Variants in UBN2 observed in about 807,000 individuals in gnomAD.
The protein encoded by UBN2 is ubinuclein-2.
In UBN2, 35 loss-of-function variants were observed where a neutral mutation model predicts 120.2. That is an observed-to-expected ratio of 0.29 (90% CI 0.22 to 0.39). The LOEUF is 0.39. UBN2 is among the 10% of genes least tolerant of loss of function. The pLI is 1.00. For synonymous variants in UBN2, 661 were observed against 648.7 expected, an observed-to-expected ratio of 1.02 and a Z score of -0.29; for missense variants, 1,693 against 1,663.2, an observed-to-expected ratio of 1.02 and a Z score of -0.31.
At position 139,276,241 on chromosome 7, in the gene UBN2, A is replaced by G. The variant is rs1308283266; in HGVS notation, c.2024+94A>G. 6.0e-6 allele frequency: 7 copies of G among 1,165,082 alleles called. No individual in the cohort carries two copies. In the African/African-American group the frequency reaches 1.1e-4, roughly 18 times the overall value. The allele number at this position is 1,165,082 out of a possible 1,614,324, so 72.2% of individuals were successfully genotyped here. ...TTTATTAAATGCTAGTTGGAATAGG[A>G]CTTAAAAAGATCATTTTGACCATTG... On this transcript the variant is annotated intron_variant, in intron 12 of 17. Transcript: ENST00000473989.
In UBN2 at chr7:139,261,662, A is replaced by C; in HGVS notation, c.1316A>C (p.Gln439Pro). The change falls in exon 6 of 18, where the codon CAG becomes CCG. Residue 439 changes from glutamine to proline, a missense_variant. By Grantham distance (76) the Gln-to-Pro change is moderately conservative. Transcript: ENST00000473989. ...GTTTQPTYTS[Q>P]VMPKVVPTLP... ...ACCACCCAGCCAACCTACACTTCTC[A>C]GGTTATGCCCAAAGTGGTACCTACA... 5.0e-6 allele frequency: 8 copies of C among 1,614,186 alleles called. No homozygotes were observed. In the South Asian group the frequency reaches 8.8e-5, roughly 18 times the overall value.
chr7:139,240,002 C>G (rs940035696), intron 2 of UBN2, among the ~76,000 whole-genome samples: 4 of 152,180 alleles, frequency 2.6e-5, no homozygotes, highest in Non-Finnish European at 5.9e-5. Flanking sequence ...TCTTCTTAGT[C>G]AACCCTAGGA....
the UBN2 span, among the ~76,000 whole-genome samples, chr7:139,321,517 G>A: frequency 0.038 from 5,731 of 152,290 alleles, 166 homozygotes; most frequent in African/African-American, 0.066. Context: ...TAGGCCTGCC[G>A]TGGTTCTCTA....
At chr7:139,325,330 C>T in the UBN2 span, among the ~76,000 whole-genome samples, 4 of 130,316 alleles carry the variant, frequency 3.1e-5, no homozygotes, top group Admixed American at 9.6e-5. Flanking sequence ...TGCAATGGTG[C>T]GATCTTGGCT....
Position 139,272,402 on chromosome 7 carries a change from G to A in UBN2, c.1677G>A (p.Gln559=). Residue 559 remains glutamine (Q), a synonymous_variant, in exon 9 of 18, where the codon CAG becomes CAA. Transcript: ENST00000473989. ...NVMPEQLFKY[Q]EDCQARSQAK... ...TGCCTGAACAGCTATTTAAATACCAGGAGGACTGCCAGGCTCGTAGTCAAG... is the reference window on the plus strand; with the variant it reads ...TGCCTGAACAGCTATTTAAATACCAAGAGGACTGCCAGGCTCGTAGTCAAG... The A allele has an allele frequency of 6.2e-7, 1 of 1,613,840 alleles. No homozygotes were observed. Among genetic ancestry groups the A allele is most frequent in the African/African-American group, 1.3e-5 (1 of 74,998 alleles).
At chr7:139,308,600 G>A (rs1278382311), downstream of UBN2, among the ~76,000 whole-genome samples, 1 of 152,124 alleles carries the variant, frequency 6.6e-6, no homozygotes, top group Non-Finnish European at 1.5e-5. Context: ...GGAAGGTGGA[G>A]CATTTGCTGT....
chr7:139,276,343 C>A, intron 12 of UBN2, 196 bp downstream of exon 12: 1 of 567,550 alleles, frequency 1.8e-6, no homozygotes, highest in Non-Finnish European at 3.1e-6. Flanking sequence ...TAAATCCACA[C>A]TGTGACACAT....
At chr7:139,315,396 G>C in the UBN2 span, 1 of 152,310 alleles carries the variant, frequency 6.6e-6, no homozygotes, top group East Asian at 1.9e-4. Flanking sequence ...AGCAAGCACT[G>C]ATATAATGTT....
intron 2 of UBN2, among the ~76,000 whole-genome samples, chr7:139,242,033 A>G (rs10453025): frequency 0.24 from 36,980 of 152,024 alleles, 7,709 homozygotes; most frequent in African/African-American, 0.56. Flanking sequence ...TCTTTTGTAT[A>G]ACTTGTAAAA....
rs550047689 is a variant in UBN2, at chr7:139,267,291, T to C, written c.1466+888T>C. Among the ~76,000 whole-genome samples the C allele has an allele frequency of 1.8e-4, 28 of 152,238 alleles. 1 individual carries two copies. The highest frequency in any genetic ancestry group is 3.1e-4 in the Non-Finnish European group (21 of 67,992). On this transcript the variant is annotated intron_variant, in intron 7 of 17. Transcript: ENST00000473989. Reference sequence around the variant, plus strand: ...GCTCATGCCTGTAATCCCAACACTTTGGGAGGCCAAGGTGGGAGGATCACT... The same window carrying C: ...GCTCATGCCTGTAATCCCAACACTTCGGGAGGCCAAGGTGGGAGGATCACT...
rs371314707 is a variant in UBN2 at position 139,283,779 on chromosome 7, A to T, written c.2874A>T (p.Leu958Phe). 6.2e-7 allele frequency: 1 copy of T among 1,613,852 alleles called. No homozygotes were observed. Residue 958 changes from leucine to phenylalanine, a missense_variant, in exon 15 of 18, where the codon TTA (leucine) becomes TTT (phenylalanine). Around this residue, in one of 5 missense-constraint regions of UBN2, gnomAD observed 837 missense variants for 817.6 expected, o/e 1.02. Coordinates refer to ENST00000473989, the MANE Select transcript of UBN2 (RefSeq NM_173569.4). The part of the protein sequence containing the change: ...SKSQTNPVVK[L>F]SNNPQLSCSS... Reference sequence around the variant, plus strand: ...CCCAGACCAACCCCGTCGTGAAGTTAAGTAATAATCCCCAACTCTCCTGTT... The same window carrying T: ...CCCAGACCAACCCCGTCGTGAAGTTTAGTAATAATCCCCAACTCTCCTGTT...
rs149904440 is a variant in UBN2 at position 139,255,253 on chromosome 7, A to G, written c.663+3196A>G. ...AATATCTCCTTTTATAGCATTTAGG[A>G]TATTTTCATGCTGACTTTTGTAACC... On this transcript the variant is annotated intron_variant, in intron 3 of 17. Coordinates refer to ENST00000473989, the MANE Select transcript of UBN2 (RefSeq NM_173569.4). Among the ~76,000 whole-genome samples the G allele has an allele frequency of 5.9e-5, 9 of 152,288 alleles. No homozygotes were observed. The East Asian group carries it at 1.7e-3, about 29-fold the overall frequency.
chr7:139,302,801 C>CA lies in UBN2; in HGVS notation c.*4965_*4966insA, dbSNP rs3222879. On this transcript the variant is annotated 3_prime_UTR_variant, in exon 18 of 18. Transcript: ENST00000473989. ...ACACACACACACACACACACACACA[C>CA]GTCAGTTACTACAAGTAAAATAAAC... is the stretch of plus-strand genomic sequence containing the variant. 1.3e-5 allele frequency: 2 copies of CA among 151,654 alleles called. No individual in the cohort carries two copies. Among genetic ancestry groups the CA allele is most frequent in the African/African-American group, 4.9e-5 (2 of 41,234 alleles). The allele number at this position is 151,654 out of a possible 1,614,324, so 9.4% of individuals were successfully genotyped here. A position where few individuals can be genotyped will look rare whatever the true frequency, so the allele number is the denominator to read the frequency against.
In UBN2 at chr7:139,261,618, G is replaced by A. The variant is rs150369714; in HGVS notation, c.1272G>A (p.Ser424=). ...AASDGSPLSE[S]GGENGTTTQP... is the part of the protein sequence containing the mutation. ...CTGATGGTAGCCCCCTATCTGAGTCGGGGGGTGAAAATGGAACCACCACCC... is the reference window on the plus strand; with the variant it reads ...CTGATGGTAGCCCCCTATCTGAGTCAGGGGGTGAAAATGGAACCACCACCC... Residue 424 remains serine, a synonymous_variant, in exon 6 of 18, where the codon TCG becomes TCA. Coordinates refer to ENST00000473989, the MANE Select transcript of UBN2 (RefSeq NM_173569.4). The A allele has an allele frequency of 4.5e-5, 72 of 1,613,808 alleles. No homozygotes were observed. In the Admixed American group the frequency reaches 5.0e-4, roughly 11 times the overall value.
intron 2 of UBN2, among the ~76,000 whole-genome samples, chr7:139,248,941 A>C (rs536587264): frequency 1.3e-5 from 2 of 152,172 alleles, no homozygotes; most frequent in Non-Finnish European, 2.9e-5. Flanking sequence ...ACAATCTATT[A>C]TGTATTTTGC....
intron 15 of UBN2, among the ~76,000 whole-genome samples, chr7:139,290,339 T>C (rs149829278): frequency 7.8e-4 from 119 of 152,346 alleles, no homozygotes; most frequent in South Asian, 1.9e-3. Context: ...ACCCATTTTA[T>C]ATATTGTGGT....
Position 139,284,162 on chromosome 7 carries a change from CT to C in UBN2, c.3258del (p.Val1087TyrfsTer11). 6.2e-7 allele frequency: 1 copy of C among 1,614,206 alleles called. No individual in the cohort carries two copies. The highest frequency in any genetic ancestry group is 8.5e-7 in the Non-Finnish European group (1 of 1,180,046). ...AAATCCAACCCAACTCCCAAGCCTACTGTATCCCCAAGTAGTTCCAGTCCAA... is the reference window on the plus strand; with the variant it reads ...AAATCCAACCCAACTCCCAAGCCTACGTATCCCCAAGTAGTTCCAGTCCAA... ...ISKSNPTPKPTVSPSSSSPNA... is the reference protein window; with the variant it reads ...ISKSNPTPKPXVSPSSSSPNA... On this transcript the variant is annotated frameshift_variant, in exon 15 of 18. Coordinates refer to ENST00000473989, the MANE Select transcript of UBN2 (RefSeq NM_173569.4). LOFTEE classifies it high-confidence loss of function.
downstream of UBN2, among the ~76,000 whole-genome samples, chr7:139,309,361 GA>G (rs1369730346): frequency 6.6e-6 from 1 of 152,128 alleles, no homozygotes; most frequent in Non-Finnish European, 1.5e-5. Flanking sequence ...ATTAGGGGAT[GA>G]GGGGGACTGT....
chr7:139,274,743 CAA>C (rs1797388695), intron 11 of UBN2, among the ~76,000 whole-genome samples: 1 of 141,466 alleles, frequency 7.1e-6, no homozygotes, highest in Middle Eastern at 4.1e-3. Flanking sequence ...GCCTGGGCAA[CAA>C]GAGCGAAACT....
Sources: gnomAD v4.1 joint callset for allele counts (sites outside exome capture counted in the v4.1 genomes callset) on GRCh38, gnomAD v4.1.1 for gene constraint, gnomAD v4.1.1 regional missense constraint, MANE v1.5 for transcripts, NCBI Gene and HGNC (gene_info 2026-07-23, HGNC 2026-07-21) for gene names.